Variants in EPM2A observed in about 807,000 individuals in gnomAD.
EPM2A encodes laforin.
Under a neutral mutation model 26.5 loss-of-function variants are expected in EPM2A, and 21 were observed. That is an observed-to-expected ratio of 0.79 (90% CI 0.56 to 1.14). The LOEUF (loss-of-function observed/expected upper bound fraction) is 1.14. EPM2A is among the 50% of genes most tolerant of loss of function. The pLI is 0.00. For synonymous variants in EPM2A, 217 were observed against 177.6 expected (o/e 1.22, Z -1.76); for missense variants, 458 against 440.8 (o/e 1.04, Z -0.35).
At chr6:145,447,308 T>C (rs1779139287) in intron 4 of EPM2A, among the ~76,000 whole-genome samples, 1 of 152,280 alleles carries the variant, frequency 6.6e-6, no homozygotes, top group Non-Finnish European at 1.5e-5. Flanking sequence ...TTTAAGTTTA[T>C]TCTACTTCCC....
At chr6:145,648,524 TGTTAAC>T (rs1464787027) in intron 2 of EPM2A, among the ~76,000 whole-genome samples, 1 of 152,240 alleles carries the variant, frequency 6.6e-6, no homozygotes, top group Non-Finnish European at 1.5e-5. Context: ...AAATGTTAGC[TGTTAAC>T]GCAGGTGGAC....
In EPM2A at chr6:145,635,328, A is replaced by G. The variant is rs1776571019; in HGVS notation, c.635T>C (p.Met212Thr). 1 of 1,614,024 alleles carries G rather than the reference A, an allele frequency of 6.2e-7. No homozygotes were observed. The highest frequency in any genetic ancestry group is 1.7e-5 in the Admixed American group (1 of 60,006). The change falls in exon 3 of 4, where the codon ATG (methionine) becomes ACG (threonine). Residue 212 changes from methionine (M) to threonine (T), a missense_variant. Physicochemically the swap from Met to Thr is moderately conservative, Grantham distance 81 (BLOSUM62 -1). Coordinates refer to ENST00000367519, the MANE Select transcript of EPM2A (RefSeq NM_005670.4). Reference sequence around the variant, plus strand: ...TAGTTTAATCATAGTGTCTGGAGTCATGGGCTCTGGGTAGCGGTTACAGCC... The same window carrying G: ...TAGTTTAATCATAGTGTCTGGAGTCGTGGGCTCTGGGTAGCGGTTACAGCC... ...SSGCNRYPEP[M>T]TPDTMIKLYR...
At chr6:145,646,677 A>G (rs1042233504) in intron 2 of EPM2A, among the ~76,000 whole-genome samples, 9 of 152,080 alleles carry the variant, frequency 5.9e-5, no homozygotes, top group African/African-American at 2.2e-4. Flanking sequence ...ATACACTCCT[A>G]GATATCTCAC....
intron 4 of EPM2A, among the ~76,000 whole-genome samples, chr6:145,385,622 TC>T (rs547608482): frequency 6.8e-4 from 103 of 152,244 alleles, no homozygotes; most frequent in African/African-American, 2.4e-3. Flanking sequence ...AAACTTTTTT[TC>T]CAGGCAAAAA....
intron 2 of EPM2A, among the ~76,000 whole-genome samples, chr6:145,560,301 A>G (rs1232884234): frequency 2.0e-5 from 3 of 152,172 alleles, no homozygotes; most frequent in African/African-American, 7.2e-5. Flanking sequence ...AATGTCTCAT[A>G]GCATATGAGT....
downstream of EPM2A, among the ~76,000 whole-genome samples, chr6:145,498,062 G>A (rs1049225796): frequency 1.3e-5 from 2 of 152,188 alleles, no homozygotes; most frequent in Non-Finnish European, 2.9e-5. Context: ...TTAAAGAAAT[G>A]GTCTGGCCAA....
intron 1 of EPM2A, among the ~76,000 whole-genome samples, chr6:145,707,488 G>A (rs1347922008): frequency 6.6e-6 from 1 of 152,170 alleles, no homozygotes; most frequent in Non-Finnish European, 1.5e-5. Context: ...ATTTCCATGT[G>A]TCATGAGAGG....
intron 3 of EPM2A, chr6:145,501,934 G>C (rs1779896036): frequency 2.2e-6 from 1 of 462,628 alleles, no homozygotes; most frequent in African/African-American, 2.0e-5. Context: ...GCTTAGACTG[G>C]AAGACTTTAA....
intron 2 of EPM2A, among the ~76,000 whole-genome samples, chr6:145,669,784 C>T (rs1779513786): frequency 6.6e-6 from 1 of 152,152 alleles, no homozygotes; most frequent in African/African-American, 2.4e-5. Flanking sequence ...GTTGTCATGG[C>T]CACTGTCATA....
At chr6:145,534,699 A>C (rs990032440) in intron 2 of EPM2A, among the ~76,000 whole-genome samples, 13 of 152,196 alleles carry the variant, frequency 8.5e-5, no homozygotes, top group African/African-American at 2.9e-4. Flanking sequence ...GAAGCTTTTT[A>C]AAAGTCTAGT....
chr6:145,659,503 A>G lies in EPM2A; in HGVS notation c.477-24017T>C, dbSNP rs531516547. ...CTTACTTCATAAAATTTTAAGTACC[A>G]TCGACTCTCCCTTTATTAAAAAATA... is the stretch of plus-strand genomic sequence containing the variant. On this transcript the variant is annotated intron_variant, in intron 2 of 3. Transcript: ENST00000367519. 7.5e-4 allele frequency among the ~76,000 whole-genome samples: 114 copies of G among 152,324 alleles called. 1 individual carries two copies. Among genetic ancestry groups the G allele is most frequent in the African/African-American group, 2.5e-3 (104 of 41,564 alleles).
chr6:145,471,013 TC>T (rs1361677608), intron 4 of EPM2A, among the ~76,000 whole-genome samples: 1 of 152,124 alleles, frequency 6.6e-6, no homozygotes, highest in Non-Finnish European at 1.5e-5. Flanking sequence ...GCTCTCTTCC[TC>T]CCTGAAGTAG....
At chr6:145,430,652 T>G (rs1462171030) in intron 4 of EPM2A, among the ~76,000 whole-genome samples, 1 of 151,664 alleles carries the variant, frequency 6.6e-6, no homozygotes, top group Non-Finnish European at 1.5e-5. Flanking sequence ...AACCTAGCAA[T>G]AAAATACAAC....
At chr6:145,647,009 T>A (rs1298088133) in intron 2 of EPM2A, among the ~76,000 whole-genome samples, 3 of 152,182 alleles carry the variant, frequency 2.0e-5, no homozygotes, top group Admixed American at 2.0e-4. Context: ...TAGAATGTTA[T>A]TTCTTTCCTT....
chr6:145,571,286 T>C (rs936668618), intron 2 of EPM2A, among the ~76,000 whole-genome samples: 3 of 152,210 alleles, frequency 2.0e-5, no homozygotes, highest in Non-Finnish European at 4.4e-5. Flanking sequence ...GTTTTAATTA[T>C]GACTTCAAAA....
chr6:145,597,533 C>T (rs1459007720), intron 2 of EPM2A, among the ~76,000 whole-genome samples: 3 of 149,138 alleles, frequency 2.0e-5, no homozygotes, highest in Admixed American at 2.0e-4. Context: ...TGTGATATGG[C>T]TCTTTTCTAA....
chr6:145,603,418 T>C (rs1361485231), intron 2 of EPM2A, among the ~76,000 whole-genome samples: 1 of 152,214 alleles, frequency 6.6e-6, no homozygotes, highest in African/African-American at 2.4e-5. Context: ...AACTGCATTC[T>C]TTCTTTCAAA....
intron 4 of EPM2A, among the ~76,000 whole-genome samples, chr6:145,450,654 T>C (rs1002978403): frequency 6.6e-6 from 1 of 152,180 alleles, no homozygotes; most frequent in Admixed American, 6.5e-5. Context: ...TTTACAGTCC[T>C]CTTCTCTCCT....
At chr6:145,645,893 G>A (rs1329716765) in intron 2 of EPM2A, among the ~76,000 whole-genome samples, 9 of 152,046 alleles carry the variant, frequency 5.9e-5, no homozygotes, top group Admixed American at 2.6e-4. Flanking sequence ...CACTGTGCCC[G>A]GCCCTGGCAA....
Sources: gnomAD v4.1 joint callset for allele counts (sites outside exome capture counted in the v4.1 genomes callset) on GRCh38, gnomAD v4.1.1 for gene constraint, MANE v1.5 for transcripts, NCBI Gene and HGNC (gene_info 2026-07-23, HGNC 2026-07-21) for gene names.